Variants in ABTB3 observed in about 807,000 individuals in gnomAD.
ABTB3 encodes ankyrin repeat and BTB domain containing 3, also known as ankyrin repeat- and BTB/POZ domain-containing protein 3.
the ABTB3 span, among the ~76,000 whole-genome samples, chr12:107,553,719 A>C: frequency 6.6e-6 from 1 of 152,240 alleles, no homozygotes; most frequent in Non-Finnish European, 1.5e-5. Context: ...CAGGCAGATC[A>C]CTTGAGGGCA....
chr12:107,531,549 T>C, the ABTB3 span, among the ~76,000 whole-genome samples: 1 of 152,108 alleles, frequency 6.6e-6, no homozygotes, highest in Non-Finnish European at 1.5e-5. Context: ...TCCAGCAATG[T>C]CTCCGTTCCT....
chr12:107,474,757 G>A, the ABTB3 span, among the ~76,000 whole-genome samples: 26 of 152,098 alleles, frequency 1.7e-4, no homozygotes, highest in African/African-American at 5.8e-4. Flanking sequence ...TTAGCACAGT[G>A]CTTGGTTCTT....
the ABTB3 span, among the ~76,000 whole-genome samples, chr12:107,558,916 C>G: frequency 6.7e-6 from 1 of 150,238 alleles, no homozygotes; most frequent in Non-Finnish European, 1.5e-5. Flanking sequence ...CACTGTGATC[C>G]CAGAGCCTGC....
chr12:107,400,126 T>C, the ABTB3 span, among the ~76,000 whole-genome samples: 1 of 152,252 alleles, frequency 6.6e-6, no homozygotes. Context: ...TTTGCTATTA[T>C]GAATAGTGCT....
the ABTB3 span, among the ~76,000 whole-genome samples, chr12:107,427,219 A>G: frequency 6.7e-6 from 1 of 148,512 alleles, no homozygotes; most frequent in Non-Finnish European, 1.5e-5. Flanking sequence ...TGGGTGCACC[A>G]CTCCATTCTC....
the ABTB3 span, among the ~76,000 whole-genome samples, chr12:107,647,201 A>G: frequency 1.3e-5 from 2 of 152,068 alleles, no homozygotes; most frequent in East Asian, 1.9e-4. Context: ...GTGGTGGTAC[A>G]CACCTGTAGT....
At chr12:107,624,137 G>T in the ABTB3 span, among the ~76,000 whole-genome samples, 2 of 151,738 alleles carry the variant, frequency 1.3e-5, no homozygotes, top group Non-Finnish European at 2.9e-5. Flanking sequence ...TCTTCTATGT[G>T]TAATGAATGG....
chr12:107,566,611 A>C, the ABTB3 span, among the ~76,000 whole-genome samples: 1 of 151,366 alleles, frequency 6.6e-6, no homozygotes, highest in Admixed American at 6.6e-5. Flanking sequence ...GCAAAACAGG[A>C]AACAGGCATG....
chr12:107,540,404 T>C, the ABTB3 span, among the ~76,000 whole-genome samples: 1 of 152,130 alleles, frequency 6.6e-6, no homozygotes, highest in Non-Finnish European at 1.5e-5. Context: ...TGAGGACAGG[T>C]CTTCCTCACT....
At chr12:107,372,547 C>T in the ABTB3 span, among the ~76,000 whole-genome samples, 2 of 152,104 alleles carry the variant, frequency 1.3e-5, no homozygotes, top group South Asian at 2.1e-4. Context: ...ATAAGGTGTC[C>T]ACATGACTAA....
chr12:107,623,049 C>T, the ABTB3 span, among the ~76,000 whole-genome samples: 1 of 150,794 alleles, frequency 6.6e-6, no homozygotes. Flanking sequence ...AAAGACTTCC[C>T]AGCTTATTTG....
the ABTB3 span, among the ~76,000 whole-genome samples, chr12:107,529,884 A>G: frequency 6.6e-6 from 1 of 152,192 alleles, no homozygotes; most frequent in Non-Finnish European, 1.5e-5. Flanking sequence ...CTCAGTAGGG[A>G]AAGTAGATGT....
the ABTB3 span, among the ~76,000 whole-genome samples, chr12:107,593,069 G>A: frequency 6.6e-6 from 1 of 152,174 alleles, no homozygotes. Flanking sequence ...GCTTTAAAAA[G>A]ATACTCAGTG....
chr12:107,658,502 G>A, the ABTB3 span: 1 of 152,622 alleles, frequency 6.6e-6, no homozygotes, highest in African/African-American at 2.4e-5. Context: ...ATAGTTGAAA[G>A]CAACCTGCAT....
At chr12:107,350,199 A>G in the ABTB3 span, among the ~76,000 whole-genome samples, 2 of 152,074 alleles carry the variant, frequency 1.3e-5, no homozygotes, top group Non-Finnish European at 2.9e-5. Flanking sequence ...TTTAGGGGGG[A>G]AAAATCATAT....
chr12:107,579,621 G>T, the ABTB3 span, among the ~76,000 whole-genome samples: 1 of 152,222 alleles, frequency 6.6e-6, no homozygotes, highest in Non-Finnish European at 1.5e-5. Flanking sequence ...TTTCTGGGAA[G>T]CTCATGACAT....
At chr12:107,355,646 G>A in the ABTB3 span, among the ~76,000 whole-genome samples, 1 of 152,096 alleles carries the variant, frequency 6.6e-6, no homozygotes, top group Non-Finnish European at 1.5e-5. Context: ...TAATGAAATT[G>A]CATCTAACAG....
chr12:107,375,829 C>G, the ABTB3 span, among the ~76,000 whole-genome samples: 1 of 152,178 alleles, frequency 6.6e-6, no homozygotes, highest in Non-Finnish European at 1.5e-5. Flanking sequence ...TACCCTTCAC[C>G]TGTGTCTCCT....
the ABTB3 span, chr12:107,619,968 C>A: frequency 6.3e-7 from 1 of 1,583,640 alleles, no homozygotes. Flanking sequence ...CCTTCCCTGG[C>A]TCCTCTCCCC....
Sources: allele counts gnomAD v4.1 joint callset (sites outside exome capture counted in the v4.1 genomes callset), GRCh38; gene constraint gnomAD v4.1.1; transcripts MANE v1.5; gene names NCBI Gene and HGNC (gene_info 2026-07-23, HGNC 2026-07-21).